Variants in PLD1 observed in about 807,000 individuals in gnomAD.
PLD1 encodes phospholipase D1.
A neutral mutation model predicts 137.1 loss-of-function variants in PLD1; 112 were observed. The observed-to-expected ratio is 0.82, with a 90% CI of 0.70 to 0.96. The LOEUF (loss-of-function observed/expected upper bound fraction) is 0.96. Ranked by LOEUF, PLD1 falls within the 40% of genes least tolerant of loss-of-function variation. The pLI, the probability that PLD1 is intolerant of heterozygous loss-of-function variation, is 0.00. For missense variants in PLD1, 1,321 were observed against 1,342.0 expected (o/e 0.98, Z 0.24); for synonymous variants, 431 against 454.7 (o/e 0.95, Z 0.66).
At chr3:171,722,736 C>A (rs76244622) in intron 8 of PLD1, among the ~76,000 whole-genome samples, 2,637 of 152,126 alleles carry the variant, frequency 0.017, 85 homozygotes, top group African/African-American at 0.061. Flanking sequence ...GTTCACAATG[C>A]GATGGTTTTT....
chr3:171,645,945 C>T (rs192369201), intron 21 of PLD1, among the ~76,000 whole-genome samples: 1 of 150,538 alleles, frequency 6.6e-6, no homozygotes, highest in Non-Finnish European at 1.5e-5. Context: ...AAGTCCCCTG[C>T]ACATACAACA....
At chr3:171,659,451 A>C (rs1378242) in intron 20 of PLD1, 150 bp from the exon 21 acceptor site, 13 of 538,330 alleles carry the variant, frequency 2.4e-5, no homozygotes, top group Non-Finnish European at 3.6e-5. Flanking sequence ...CGACACAGAA[A>C]AAAAGCCGCC....
At chr3:171,617,694 C>T (rs1373799183) in intron 24 of PLD1, among the ~76,000 whole-genome samples, 2 of 152,128 alleles carry the variant, frequency 1.3e-5, no homozygotes, top group South Asian at 4.1e-4. Context: ...TCATGACCAG[C>T]AGGGTTACCC....
chr3:171,611,907 C>T (rs752325486), intron 25 of PLD1, among the ~76,000 whole-genome samples: 13 of 152,056 alleles, frequency 8.5e-5, no homozygotes, highest in East Asian at 3.9e-4. Flanking sequence ...CAGCGAGACA[C>T]GGTATCTACA....
At chr3:171,619,624 C>A (rs1232201712) in intron 24 of PLD1, among the ~76,000 whole-genome samples, 1 of 152,078 alleles carries the variant, frequency 6.6e-6, no homozygotes, top group Non-Finnish European at 1.5e-5. Context: ...AATATTTTAC[C>A]ATCCTTCTGA....
At chr3:171,745,136 T>C (rs1720053040) in intron 1 of PLD1, among the ~76,000 whole-genome samples, 1 of 152,248 alleles carries the variant, frequency 6.6e-6, no homozygotes, top group South Asian at 2.1e-4. Context: ...TGGTGTCAGC[T>C]TCTAGCTCAT....
intron 23 of PLD1, among the ~76,000 whole-genome samples, chr3:171,636,009 T>C (rs1735100143): frequency 7.3e-6 from 1 of 136,070 alleles, no homozygotes; most frequent in African/African-American, 2.7e-5. Flanking sequence ...CAAGTGGATA[T>C]CTAGTTTTTC....
rs778360285 is a variant in PLD1 at position 171,695,689 on chromosome 3, T to C, written c.1228-3247A>G. 6.0e-4 allele frequency among the ~76,000 whole-genome samples: 92 copies of C among 152,314 alleles called. 1 individual carries two copies. Among genetic ancestry groups the C allele is most frequent in the East Asian group, 1.9e-4 (1 of 5,184 alleles). The stretch of plus-strand genomic sequence containing the variant: ...TGCTCAAGGGAGCATAGTGAAAATA[T>C]TTTCTAAATGCAGCCAAGTTTGTCC... On this transcript the variant is annotated intron_variant, in intron 12 of 26. Coordinates refer to ENST00000351298, the MANE Select transcript of PLD1 (RefSeq NM_002662.5).
intron 23 of PLD1, among the ~76,000 whole-genome samples, chr3:171,633,796 C>CT (rs2108341110): frequency 6.6e-6 from 1 of 152,156 alleles, no homozygotes; most frequent in South Asian, 2.1e-4. Flanking sequence ...TTAAATTATA[C>CT]TAAATTGGCT....
At chr3:171,679,211 T>C (rs188093427) in intron 16 of PLD1, among the ~76,000 whole-genome samples, 2 of 152,382 alleles carry the variant, frequency 1.3e-5, no homozygotes, top group East Asian at 3.9e-4. Context: ...CAAATGTTTT[T>C]ATGTAATCAC....
intron 6 of PLD1, among the ~76,000 whole-genome samples, 167 bp downstream of exon 6, chr3:171,733,277 T>C (rs1230212710): frequency 6.6e-6 from 1 of 152,248 alleles, no homozygotes; most frequent in Non-Finnish European, 1.5e-5. Context: ...CACTGTAAAC[T>C]GGATCCTTGC....
intron 13 of PLD1, among the ~76,000 whole-genome samples, chr3:171,691,170 T>A (rs1484757523): frequency 6.6e-6 from 1 of 152,192 alleles, no homozygotes; most frequent in Non-Finnish European, 1.5e-5. Context: ...ACCCTTTCCA[T>A]CCTTTCATTT....
Position 171,797,244 on chromosome 3 carries a change from C to A in PLD1, c.-32+13155G>T, listed in dbSNP as rs575564838. Among the ~76,000 whole-genome samples, 53 of 152,306 alleles carry A rather than the reference C, an allele frequency of 3.5e-4. 2 individuals are homozygous for A. In the South Asian group the frequency reaches 0.011, roughly 32 times the overall value. On this transcript the variant is annotated intron_variant, in intron 1 of 26. Transcript: ENST00000351298. ...TCTGCTTCCATATGGCTTCTCCGAT[C>A]TGTAGTTGTTCACTCATCTATTGCC...
intron 6 of PLD1, among the ~76,000 whole-genome samples, chr3:171,726,860 G>A (rs1432269095): frequency 1.3e-5 from 2 of 152,130 alleles, no homozygotes; most frequent in Non-Finnish European, 2.9e-5. Flanking sequence ...TTGTACAGAA[G>A]ACGAAACTGA....
At chr3:171,673,513 C>A (rs1413247434) in intron 19 of PLD1, among the ~76,000 whole-genome samples, 1 of 152,082 alleles carries the variant, frequency 6.6e-6, no homozygotes, top group Non-Finnish European at 1.5e-5. Context: ...TCAGGTGATC[C>A]ACCCGCCTCG....
At chr3:171,801,149 T>C (rs770802184) in intron 1 of PLD1, among the ~76,000 whole-genome samples, 1 of 152,250 alleles carries the variant, frequency 6.6e-6, no homozygotes, top group Non-Finnish European at 1.5e-5. Flanking sequence ...TGCATTAGAC[T>C]ATAAGCTGTG....
chr3:171,680,592 T>C (rs551244265), intron 16 of PLD1, among the ~76,000 whole-genome samples: 1 of 152,294 alleles, frequency 6.6e-6, no homozygotes, highest in African/African-American at 2.4e-5. Context: ...GGCTTCTGTT[T>C]TGGACTCCAA....
chr3:171,614,679 T>C (rs1215560634), intron 24 of PLD1, among the ~76,000 whole-genome samples: 2 of 152,204 alleles, frequency 1.3e-5, no homozygotes, highest in Admixed American at 6.5e-5. Flanking sequence ...AGATTGAAGA[T>C]CCCATATTGC....
chr3:171,745,052 G>A (rs551513173), intron 1 of PLD1, among the ~76,000 whole-genome samples: 10 of 152,182 alleles, frequency 6.6e-5, no homozygotes, highest in South Asian at 2.1e-4. Flanking sequence ...AAACATCCTC[G>A]GCATTTGTTC....
Sources: gnomAD v4.1 joint callset for allele counts (sites outside exome capture counted in the v4.1 genomes callset) on GRCh38, gnomAD v4.1.1 for gene constraint, MANE v1.5 for transcripts, NCBI Gene and HGNC (gene_info 2026-07-23, HGNC 2026-07-21) for gene names.